PRKCE: variants seen among roughly 807,000 people sequenced by gnomAD.
The protein encoded by PRKCE is protein kinase C epsilon type.
PRKCE carries 16 observed loss-of-function variants against 85.4 expected under a neutral mutation model. The observed-to-expected ratio is 0.19, with a 90% CI of 0.13 to 0.28. The LOEUF (loss-of-function observed/expected upper bound fraction) is 0.28. Ranked by LOEUF, PRKCE falls within the 10% of genes least tolerant of loss-of-function variation. The pLI is 1.00. For missense variants in PRKCE, 573 were observed against 975.2 expected (o/e 0.59, Z 5.49); for synonymous variants, 388 against 371.5 (o/e 1.04, Z -0.51).
chr2:45,651,842 G>A lies in PRKCE; in HGVS notation c.-259G>A. On this transcript the variant is annotated 5_prime_UTR_variant, in exon 1 of 15. Transcript: ENST00000306156. ...TCTGGAGGTGCAGCTGGTGGTCGGG[G>A]GGAGAGACTTGCTCCAAACACGGAC... The A allele has an allele frequency of 5.4e-6, 2 of 371,714 alleles. No individual in the cohort carries two copies. Among genetic ancestry groups the A allele is most frequent in the Non-Finnish European group, 9.7e-6 (2 of 205,274 alleles). The allele number at this position is 371,714 out of a possible 1,614,324, so 23.0% of individuals were successfully genotyped here.
intron 1 of PRKCE, among the ~76,000 whole-genome samples, chr2:45,798,623 C>G (rs1687619116): frequency 6.6e-6 from 1 of 152,100 alleles, no homozygotes; most frequent in Non-Finnish European, 1.5e-5. Context: ...AGCAAAATAT[C>G]AAGTTCAAGT....
intron 11 of PRKCE, among the ~76,000 whole-genome samples, chr2:46,099,309 C>G (rs1670991202): frequency 6.6e-6 from 1 of 152,078 alleles, no homozygotes. Context: ...AACAGCTTCT[C>G]CAGCCAAACT....
chr2:45,813,060 G>C (rs1005977605), intron 1 of PRKCE, among the ~76,000 whole-genome samples: 1 of 152,132 alleles, frequency 6.6e-6, no homozygotes, highest in African/African-American at 2.4e-5. Context: ...CCCCGCTGGC[G>C]GCCCAGGAAT....
At chr2:45,818,673 A>T (rs1442010912) in intron 1 of PRKCE, among the ~76,000 whole-genome samples, 1 of 152,246 alleles carries the variant, frequency 6.6e-6, no homozygotes, top group Non-Finnish European at 1.5e-5. Context: ...CAGAAAACTC[A>T]AAGGAGCCTC....
chr2:45,748,599 C>A (rs1220472115), intron 1 of PRKCE, among the ~76,000 whole-genome samples: 1 of 152,200 alleles, frequency 6.6e-6, no homozygotes, highest in Admixed American at 6.5e-5. Context: ...AATGGGAGGG[C>A]AGATACTCTG....
chr2:45,930,663 G>C (rs1698976528), intron 2 of PRKCE, among the ~76,000 whole-genome samples: 1 of 152,202 alleles, frequency 6.6e-6, no homozygotes, highest in African/African-American at 2.4e-5. Flanking sequence ...ACCATCGCTT[G>C]CATGATTTAT....
At chr2:46,065,423 T>C (rs943427515) in intron 10 of PRKCE, among the ~76,000 whole-genome samples, 11 of 152,208 alleles carry the variant, frequency 7.2e-5, no homozygotes, top group African/African-American at 2.7e-4. Context: ...AGAATTTCTC[T>C]GACTCCACCA....
chr2:45,948,038 G>C (rs1417791703), intron 2 of PRKCE, among the ~76,000 whole-genome samples: 1 of 152,196 alleles, frequency 6.6e-6, no homozygotes, highest in East Asian at 1.9e-4. Context: ...TCACCTACGT[G>C]AATGTCTTAT....
Position 45,931,434 on chromosome 2 carries a change from C to T in PRKCE, c.413-44995C>T, listed in dbSNP as rs1299578724. ...GAATGAATGACATAGGTGGTAAATG[C>T]TCTAACAACACTTTCTGGTGTCATC... On this transcript the variant is annotated intron_variant, in intron 2 of 14. Transcript: ENST00000306156. Among the ~76,000 whole-genome samples, 5 of 152,294 alleles carry T rather than the reference C, an allele frequency of 3.3e-5. No individual in the cohort carries two copies. In the East Asian group the frequency reaches 9.6e-4, roughly 29 times the overall value.
At chr2:45,979,477 C>A (rs1381896062) in intron 4 of PRKCE, among the ~76,000 whole-genome samples, 3 of 152,140 alleles carry the variant, frequency 2.0e-5, no homozygotes, top group African/African-American at 7.2e-5. Context: ...GCTGTGTGAT[C>A]ATTAGCTCTT....
At chr2:46,000,147 TTTG>T (rs1467971678) in intron 6 of PRKCE, among the ~76,000 whole-genome samples, 1 of 151,676 alleles carries the variant, frequency 6.6e-6, no homozygotes, top group East Asian at 1.9e-4. Context: ...TTGGGGTTTT[TTTG>T]TTTTTTTTTT....
intron 11 of PRKCE, among the ~76,000 whole-genome samples, chr2:46,113,253 T>C (rs1280443466): frequency 6.6e-6 from 1 of 152,230 alleles, no homozygotes; most frequent in Non-Finnish European, 1.5e-5. Flanking sequence ...TCTCTTTGCA[T>C]GTGTATTCTG....
intron 10 of PRKCE, among the ~76,000 whole-genome samples, chr2:46,084,474 A>G (rs1669388338): frequency 6.6e-6 from 1 of 152,194 alleles, no homozygotes; most frequent in South Asian, 2.1e-4. Context: ...CTATAATCCC[A>G]GCACTTTGGG....
chr2:45,744,770 G>A (rs536226725), intron 1 of PRKCE, among the ~76,000 whole-genome samples: 16 of 151,764 alleles, frequency 1.1e-4, no homozygotes, highest in Non-Finnish European at 2.2e-4. Flanking sequence ...CACCATGCCT[G>A]GCTAATTTTT....
chr2:45,708,392 G>GGAAGAACCTGGTGGGAGGTAATT (rs1679306065), intron 1 of PRKCE, among the ~76,000 whole-genome samples: 1 of 152,152 alleles, frequency 6.6e-6, no homozygotes, highest in South Asian at 2.1e-4. Flanking sequence ...ACATGTTGTG[G>GGAAGAACCTGGTGGGAGGTAATT]GAAGAACCTG....
chr2:46,064,952 G>A (rs1029492988), intron 10 of PRKCE, among the ~76,000 whole-genome samples: 2 of 152,144 alleles, frequency 1.3e-5, no homozygotes, highest in Non-Finnish European at 2.9e-5. Flanking sequence ...TGTAGATGTG[G>A]CTCCCCATTT....
At chr2:45,713,647 A>T (rs1454548521) in intron 1 of PRKCE, among the ~76,000 whole-genome samples, 2 of 152,212 alleles carry the variant, frequency 1.3e-5, no homozygotes, top group African/African-American at 4.8e-5. Flanking sequence ...AGGAGTTAAA[A>T]CCTACCTAAT....
chr2:45,811,479 G>A (rs752699493), intron 1 of PRKCE, among the ~76,000 whole-genome samples: 62 of 152,202 alleles, frequency 4.1e-4, no homozygotes, highest in Non-Finnish European at 6.5e-4. Flanking sequence ...TAGAAAGGAC[G>A]AATGGTCTCT....
At chr2:46,141,115 C>G (rs1191880214) in intron 11 of PRKCE, among the ~76,000 whole-genome samples, 1 of 151,918 alleles carries the variant, frequency 6.6e-6, no homozygotes, top group Non-Finnish European at 1.5e-5. Flanking sequence ...CTTGTAGTAC[C>G]TGATTCAGAA....
Sources: gnomAD v4.1 joint callset for allele counts (sites outside exome capture counted in the v4.1 genomes callset) on GRCh38, gnomAD v4.1.1 for gene constraint, MANE v1.5 for transcripts, NCBI Gene and HGNC (gene_info 2026-07-23, HGNC 2026-07-21) for gene names.